PATJ: variants seen among roughly 807,000 people sequenced by gnomAD.
PATJ encodes the protein PATJ crumbs cell polarity complex component, also known as inaD-like protein.
Under a neutral mutation model 224.9 loss-of-function variants are expected in PATJ, and 190 were observed. The ratio of observed to expected loss-of-function variants is 0.84; its 90% CI spans 0.75 to 0.95. The LOEUF is 0.95. Among genes scored for constraint, PATJ ranks in the 40% least tolerant of loss-of-function variants. The pLI, the probability that PATJ is intolerant of heterozygous loss-of-function variation, is 0.00. For synonymous variants in PATJ, 769 were observed against 820.3 expected (o/e 0.94, Z 1.07); for missense variants, 2,121 against 2,270.3 (o/e 0.93, Z 1.34).
chr1:62,039,378 A>C (rs191160315), intron 30 of PATJ, among the ~76,000 whole-genome samples: 1 of 151,472 alleles, frequency 6.6e-6, no homozygotes, highest in East Asian at 1.9e-4. Flanking sequence ...TGTTTGGAGG[A>C]AAAAAAAACA....
At chr1:62,101,037 C>T (rs1442544272) in intron 33 of PATJ, among the ~76,000 whole-genome samples, 2 of 152,042 alleles carry the variant, frequency 1.3e-5, no homozygotes, top group Admixed American at 1.3e-4. Flanking sequence ...GTAGCCTATA[C>T]TTCAAATATA....
chr1:62,074,574 T>C (rs1657989206), intron 31 of PATJ, among the ~76,000 whole-genome samples: 1 of 152,150 alleles, frequency 6.6e-6, no homozygotes, highest in Non-Finnish European at 1.5e-5. Flanking sequence ...GTTGGGATTA[T>C]AGTTGTGAGC....
At chr1:61,941,533 C>G (rs1326856528) in intron 27 of PATJ, among the ~76,000 whole-genome samples, 2 of 152,046 alleles carry the variant, frequency 1.3e-5, no homozygotes, top group East Asian at 3.9e-4. Context: ...CACCTGTAGT[C>G]CCAGCTATTT....
At chr1:61,962,678 C>T (rs1018033242) in intron 27 of PATJ, among the ~76,000 whole-genome samples, 3 of 152,204 alleles carry the variant, frequency 2.0e-5, no homozygotes, top group African/African-American at 7.2e-5. Context: ...TTAAGTTTGA[C>T]TCTGAGTGAA....
intron 14 of PATJ, among the ~76,000 whole-genome samples, chr1:61,819,894 G>C (rs1195227470): frequency 2.0e-5 from 3 of 152,148 alleles, no homozygotes; most frequent in African/African-American, 7.2e-5. Context: ...AGTTCTGATA[G>C]AGAGTGTTCC....
chr1:61,861,627 T>A lies in PATJ; in HGVS notation c.2399T>A (p.Ile800Asn). The A allele has an allele frequency of 6.7e-7, 1 of 1,481,942 alleles. No homozygotes were observed. Among genetic ancestry groups the A allele is most frequent in the South Asian group, 1.3e-5 (1 of 75,128 alleles). The allele number at this position is 1,481,942 out of a possible 1,614,324, so 91.8% of individuals were successfully genotyped here. A position where few individuals can be genotyped will look rare whatever the true frequency, so the allele number is the denominator to read the frequency against. The change falls in exon 19 of 44, where the codon ATT (isoleucine) becomes AAT (asparagine). Residue 800 changes from isoleucine to asparagine, a missense_variant. By Grantham distance (149) the Ile-to-Asn change is moderately radical. Coordinates refer to ENST00000642238, the MANE Select transcript of PATJ (RefSeq NM_001350145.3). ...NEDKTEFSGT[I>N]HDINSSLILE... ...GACAAGACTGAATTTTCAGGAACAA[T>A]TCATGATATAAATTCATCTTTAATA...
At chr1:61,795,354 AT>A in intron 9 of PATJ, 112 bp from the exon 10 acceptor site, 1 of 567,546 alleles carries the variant, frequency 1.8e-6, no homozygotes, top group Non-Finnish European at 3.2e-6. Flanking sequence ...TCAAAATAGT[AT>A]TTATCAAACC....
At chr1:61,871,484 T>TATATATGTGTATATACATATATATGC (rs1557793313) in intron 20 of PATJ, among the ~76,000 whole-genome samples, 6 of 8,612 alleles carry the variant, frequency 7.0e-4, no homozygotes, top group South Asian at 4.6e-3. Flanking sequence ...CATATATATG[T>TATATATGTGTATATACATATATATGC]GTATATATGT....
intron 22 of PATJ, among the ~76,000 whole-genome samples, chr1:61,886,807 A>G (rs28706654): frequency 0.46 from 43,334 of 93,354 alleles, 9,935 homozygotes; most frequent in Non-Finnish European, 0.55. Context: ...GCAACAGAGC[A>G]AGACCCCATC....
At chr1:62,060,150 A>T (rs913030339) in intron 31 of PATJ, among the ~76,000 whole-genome samples, 1 of 152,130 alleles carries the variant, frequency 6.6e-6, no homozygotes, top group Non-Finnish European at 1.5e-5. Flanking sequence ...TTCTATGCTT[A>T]TTTGTTAGGA....
At chr1:62,117,095 C>A in intron 36 of PATJ, 37 bp from the exon 37 acceptor site, 1 of 1,510,070 alleles carries the variant, frequency 6.6e-7, no homozygotes, top group Non-Finnish European at 9.2e-7. Context: ...ATAAATGCTA[C>A]TACTTTTCAT....
intron 40 of PATJ, chr1:62,128,429 T>C (rs1381452393): frequency 3.6e-6 from 1 of 277,840 alleles, no homozygotes; most frequent in Non-Finnish European, 6.8e-6. Flanking sequence ...ATCAAAAGAA[T>C]CACCATTTTT....
intron 27 of PATJ, among the ~76,000 whole-genome samples, chr1:61,975,618 ATTC>A (rs1644087105): frequency 6.6e-6 from 1 of 151,882 alleles, no homozygotes; most frequent in African/African-American, 2.4e-5. Flanking sequence ...CAGCTTTCCT[ATTC>A]TTGGCCTGTC....
chr1:61,777,703 C>CTT (rs66470863), intron 7 of PATJ, among the ~76,000 whole-genome samples: 8,127 of 48,084 alleles, frequency 0.17, 821 homozygotes, highest in South Asian at 0.24. Flanking sequence ...TTCTTTCTTT[C>CTT]TTTTTTTTTT....
At chr1:61,842,212 A>T (rs956835633) in intron 17 of PATJ, among the ~76,000 whole-genome samples, 1 of 152,192 alleles carries the variant, frequency 6.6e-6, no homozygotes, top group African/African-American at 2.4e-5. Context: ...GGCTGTGTGT[A>T]TATCAGCTTG....
Position 62,106,144 on chromosome 1 carries a change from A to G in PATJ, c.4378-2293A>G, listed in dbSNP as rs796180791. ...CAAACACACATATATACATGTGTAT[A>G]TGTGTGTGTGTGTGTATATATATAT... On this transcript the variant is annotated intron_variant, in intron 33 of 43. Coordinates refer to ENST00000642238, the MANE Select transcript of PATJ (RefSeq NM_001350145.3). Among the ~76,000 whole-genome samples, 342 of 57,136 alleles carry G rather than the reference A, an allele frequency of 6.0e-3. 10 individuals are homozygous for G. The highest frequency in any genetic ancestry group is 0.013 in the South Asian group (16 of 1,242). 37.5% of individuals were successfully genotyped at this position (57,136 alleles called of 152,430 possible).
In PATJ at chr1:62,162,528, G is replaced by C. The variant is rs1054688731; in HGVS notation, c.*1474G>C. 1 of 152,208 alleles carries C rather than the reference G, an allele frequency of 6.6e-6. No individual in the cohort carries two copies. The highest frequency in any genetic ancestry group is 1.5e-5 in the Non-Finnish European group (1 of 68,052). 9.4% of individuals were successfully genotyped at this position (152,208 alleles called of 1,614,324 possible). The stretch of plus-strand genomic sequence containing the variant: ...ACTCCCATTTGCTGAAGTTTTGCAT[G>C]CTAAGAAATCAACTACAGCAGAAAA... On this transcript the variant is annotated 3_prime_UTR_variant, in exon 44 of 44. Coordinates refer to ENST00000642238, the MANE Select transcript of PATJ (RefSeq NM_001350145.3).
chr1:61,792,766 G>A (rs1430702729), intron 9 of PATJ, among the ~76,000 whole-genome samples: 3 of 152,080 alleles, frequency 2.0e-5, no homozygotes, highest in African/African-American at 2.4e-5. Flanking sequence ...CTGACCTCAG[G>A]TGATCTGCCT....
At chr1:61,804,103 A>G (rs75752775) in intron 12 of PATJ, among the ~76,000 whole-genome samples, 4,412 of 152,248 alleles carry the variant, frequency 0.029, 232 homozygotes, top group African/African-American at 0.1. Context: ...CAACAAATAA[A>G]TTGCCAATTT....
Sources: gnomAD v4.1 joint callset for allele counts (sites outside exome capture counted in the v4.1 genomes callset) on GRCh38, gnomAD v4.1.1 for gene constraint, MANE v1.5 for transcripts, NCBI Gene and HGNC (gene_info 2026-07-23, HGNC 2026-07-21) for gene names.